The following ARMCX4 variants were observed in gnomAD, a reference collection of about 807,000 sequenced individuals.
The protein encoded by ARMCX4 is armadillo repeat containing X-linked 4, also known as armadillo repeat-containing X-linked protein 4.
Under a neutral mutation model 34.7 loss-of-function variants are expected in ARMCX4, and 3 were observed. The ratio of observed to expected loss-of-function variants is 0.09; its 90% CI spans 0.04 to 0.22. The LOEUF (loss-of-function observed/expected upper bound fraction) is 0.22, where lower values mean the gene tolerates loss of function less well. Among genes scored for constraint, ARMCX4 ranks in the 10% least tolerant of loss-of-function variants. The probability of loss-of-function intolerance (pLI) is 1.00; values close to 1 mark genes in which losing one functional copy is unlikely to be tolerated. For missense variants in ARMCX4, 1,448 were observed against 1,720.8 expected, an observed-to-expected ratio of 0.84 and a Z score of 2.81; for synonymous variants, 513 against 632.8, an observed-to-expected ratio of 0.81 and a Z score of 2.84.
At chrX:101,419,157 G>C (rs781859344) in intron 2 of ARMCX4, 1 of 106,742 alleles carries the variant, frequency 9.4e-6, no homozygotes, top group Non-Finnish European at 1.9e-5. Context: ...AAATGTTTTT[G>C]AGAAAATAAT....
upstream of ARMCX4, among the ~76,000 whole-genome samples, chrX:101,484,174 T>G (rs191670020): frequency 3.0e-4 from 33 of 111,620 alleles, no homozygotes; most frequent in Admixed American, 7.6e-4. Context: ...ACATCAGGTG[T>G]GTTGCAGTGA....
chrX:101,520,773 G>C (rs955028760), intron 11 of ARMCX4, among the ~76,000 whole-genome samples: 2 of 110,658 alleles, frequency 1.8e-5, no homozygotes, highest in African/African-American at 6.6e-5. Flanking sequence ...TACAGGATGA[G>C]TTTTGAAGTG....
chrX:101,494,327 C>T lies in ARMCX4; in HGVS notation c.5738C>T (p.Thr1913Met), dbSNP rs781907967. 2.1e-5 allele frequency: 24 copies of T among 1,152,174 alleles called. No individual in the cohort carries two copies. The highest frequency in any genetic ancestry group is 1.3e-4 in the South Asian group (7 of 52,484). 95.0% of individuals were successfully genotyped at this position (1,152,174 alleles called of 1,213,427 possible). The change falls in exon 6 of 6, where the codon ACG becomes ATG. Residue 1913 changes from threonine to methionine, a missense_variant. Physicochemically the swap from Thr to Met is moderately conservative, Grantham distance 81. Around this residue, in one of 2 missense-constraint regions of ARMCX4, gnomAD observed 1,343 missense variants for 1,540.7 expected, o/e 0.87. Transcript: ENST00000423738. Reference protein sequence around the residue: ...LFWAESENSNTFRSKSGKDAS... With the variant: ...LFWAESENSNMFRSKSGKDAS... ...TGGGCTGAGAGTGAGAACAGTAATA[C>T]GTTCAGATCTAAGAGTGGGAAAGAT... is the stretch of plus-strand genomic sequence containing the variant.
At chrX:101,444,401 A>G (rs782526019) in intron 3 of ARMCX4, among the ~76,000 whole-genome samples, 1 of 112,539 alleles carries the variant, frequency 8.9e-6, no homozygotes, top group East Asian at 2.8e-4. Flanking sequence ...ATTACCTTTG[A>G]TATCTGATCA....
At chrX:101,430,901 A>T (rs782647449) in intron 2 of ARMCX4, among the ~76,000 whole-genome samples, 2 of 111,592 alleles carry the variant, frequency 1.8e-5, no homozygotes, top group Non-Finnish European at 3.8e-5. Context: ...GGAAGTGAGG[A>T]TAGAGTCTCA....
At chrX:101,466,304 T>C (rs1334004486) in intron 4 of ARMCX4, among the ~76,000 whole-genome samples, 1 of 111,974 alleles carries the variant, frequency 8.9e-6, no homozygotes, top group Non-Finnish European at 1.9e-5. Flanking sequence ...GAATGTAAAA[T>C]GGTACAGCCA....
chrX:101,508,241 C>T (rs1249948476), intron 8 of ARMCX4, among the ~76,000 whole-genome samples: 3 of 112,457 alleles, frequency 2.7e-5, no homozygotes, highest in Non-Finnish European at 5.6e-5. Context: ...TGAGTATAAT[C>T]ATACAAGGCT....
At chrX:101,461,078 A>G (rs1156283327) in intron 4 of ARMCX4, among the ~76,000 whole-genome samples, 2 of 112,271 alleles carry the variant, frequency 1.8e-5, no homozygotes, top group East Asian at 2.8e-4. Flanking sequence ...TATTTGTACA[A>G]TATAACATAA....
chrX:101,447,128 G>C (rs1223093569), downstream of ARMCX4, among the ~76,000 whole-genome samples: 2 of 111,726 alleles, frequency 1.8e-5, no homozygotes, highest in Non-Finnish European at 3.8e-5. Flanking sequence ...TTCCTCCAGA[G>C]GGAATGATCT....
chrX:101,515,395 C>CTTTCTTTCTTTTTCTT (rs1556017495), intron 11 of ARMCX4, among the ~76,000 whole-genome samples: 1 of 2,104 alleles, frequency 4.8e-4, no homozygotes, highest in Non-Finnish European at 8.5e-4. Context: ...CTTTCTTTCC[C>CTTTCTTTCTTTTTCTT]TCCCTCCCTC....
intron 4 of ARMCX4, among the ~76,000 whole-genome samples, chrX:101,474,383 A>T (rs1367230206): frequency 9.1e-6 from 1 of 110,190 alleles, no homozygotes; most frequent in African/African-American, 3.3e-5. Flanking sequence ...CAGAGGTACA[A>T]GGAGGAACTG....
chrX:101,487,268 T>G lies in ARMCX4; in HGVS notation c.-291T>G. On this transcript the variant is annotated 5_prime_UTR_variant, in exon 3 of 6. The change abolishes an upstream ATG in the 5' untranslated region. Coordinates refer to ENST00000423738, the MANE Select transcript of ARMCX4 (RefSeq NM_001256155.3). ...AGAGGAGGAGATCAATCTAGAAGCA[T>G]GGAGGTTGGTGTGAAGTGGGGGTAG... 1.5e-5 allele frequency: 2 copies of G among 135,078 alleles called. No individual in the cohort carries two copies. Among genetic ancestry groups the G allele is most frequent in the Admixed American group, 8.0e-5 (1 of 12,463 alleles). The allele number at this position is 135,078 out of a possible 1,213,427, so 11.1% of individuals were successfully genotyped here.
chrX:101,439,054 T>C (rs1931039068), intron 2 of ARMCX4, among the ~76,000 whole-genome samples: 1 of 112,249 alleles, frequency 8.9e-6, no homozygotes, highest in South Asian at 3.7e-4. Flanking sequence ...TGATGCAGTT[T>C]CTTCCTAGCC....
chrX:101,494,010 A>AGGGGCT lies in ARMCX4; in HGVS notation c.5423_5428dup (p.Gly1808_Ala1809dup). 3.8e-6 allele frequency: 1 copy of AGGGGCT among 265,706 alleles called. No homozygotes were observed. The highest frequency in any genetic ancestry group is 5.0e-6 in the Non-Finnish European group (1 of 198,305). 21.9% of individuals were successfully genotyped at this position (265,706 alleles called of 1,213,427 possible). ...AGGTGGCTTATATGGGCTCCTGTGT[A>AGGGGCT]GGGGCTGAGGCTGGGGCTGGGGCTG... is the stretch of plus-strand genomic sequence containing the variant. On this transcript the variant is annotated inframe_insertion, in exon 6 of 6. Transcript: ENST00000423738.
intron 11 of ARMCX4, among the ~76,000 whole-genome samples, chrX:101,530,522 A>G (rs1050592582): frequency 2.7e-5 from 3 of 112,153 alleles, no homozygotes; most frequent in Non-Finnish European, 5.6e-5. Context: ...TGGTATATAA[A>G]AAAAAGAAAA....
rs57237822 is a variant in ARMCX4 at position 101,480,123 on chromosome X, G to GACACAC, written c.-472-5852_-472-5847dup. ...TATATGAATGGTGCTAGGATTTGGA[G>GACACAC]ACACACACACACACACACACACACA... On this transcript the variant is annotated intron_variant and NMD_transcript_variant, in intron 4 of 15. Coordinates refer to the ARMCX4 transcript ENST00000433011. Among the ~76,000 whole-genome samples, 435 of 76,673 alleles carry GACACAC rather than the reference G, an allele frequency of 5.7e-3. 2 individuals are homozygous for GACACAC. The highest frequency in any genetic ancestry group is 7.3e-3 in the Admixed American group (43 of 5,892). 66.6% of individuals were successfully genotyped at this position (76,673 alleles called of 115,157 possible).
chrX:101,453,048 G>C (rs1555999413), intron 4 of ARMCX4, among the ~76,000 whole-genome samples: 1 of 110,372 alleles, frequency 9.1e-6, no homozygotes, highest in Admixed American at 9.7e-5. Context: ...TGAACAGTTA[G>C]AACGGTTAGA....
At position 101,486,947 on chromosome X, in the gene ARMCX4, TAAATA is replaced by T. The variant is rs782006379; in HGVS notation, c.-366-219_-366-215del. 4.8e-3 allele frequency among the ~76,000 whole-genome samples: 515 copies of T among 106,230 alleles called. 9 individuals carry two copies. Among genetic ancestry groups the T allele is most frequent in the Admixed American group, 0.037 (365 of 9,758 alleles). The allele number at this position is 106,230 out of a possible 115,157, so 92.2% of individuals were successfully genotyped here. ...GTCTCAAAATAAATAAAAAATAAAA[TAAATA>T]AAATAAAATAAAATAAAATAAAATA... On this transcript the variant is annotated intron_variant, in intron 2 of 5. Transcript: ENST00000423738.
chrX:101,421,328 G>A (rs1929241484), intron 2 of ARMCX4, among the ~76,000 whole-genome samples: 1 of 110,619 alleles, frequency 9.0e-6, no homozygotes, highest in Non-Finnish European at 1.9e-5. Context: ...ACAATCTAGA[G>A]TAGAGGTAAT....
Sources: gnomAD v4.1 joint callset for allele counts (sites outside exome capture counted in the v4.1 genomes callset) on GRCh38, gnomAD v4.1.1 for gene constraint, gnomAD v4.1.1 regional missense constraint, MANE v1.5 for transcripts, NCBI Gene and HGNC (gene_info 2026-07-23, HGNC 2026-07-21) for gene names.